TENM1: variants seen among roughly 807,000 people sequenced by gnomAD.
TENM1 encodes teneurin-1.
In TENM1, 35 loss-of-function variants were observed where a neutral mutation model predicts 174.8. That is an observed-to-expected ratio of 0.20 (90% CI 0.15 to 0.27). TENM1 has a LOEUF of 0.27. Ranked by LOEUF, TENM1 falls within the 10% of genes least tolerant of loss-of-function variation. TENM1 has a pLI of 1.00. For missense variants in TENM1, 1,633 were observed against 2,130.1 expected, an observed-to-expected ratio of 0.77 and a Z score of 4.59; for synonymous variants, 781 against 798.7, an observed-to-expected ratio of 0.98 and a Z score of 0.37.
intron 1 of TENM1, among the ~76,000 whole-genome samples, chrX:124,955,304 G>A (rs930109882): frequency 9.0e-6 from 1 of 111,499 alleles, no homozygotes; most frequent in Admixed American, 9.6e-5. Flanking sequence ...TTGGTCTGGG[G>A]AACAGTCTTG....
chrX:124,480,810 T>C lies in TENM1; in HGVS notation c.3949+922A>G, dbSNP rs2046824901. 4.5e-5 allele frequency among the ~76,000 whole-genome samples: 5 copies of C among 111,858 alleles called. No individual in the cohort carries two copies. The Admixed American group carries it at 4.7e-4, about 11-fold the overall frequency. On this transcript the variant is annotated intron_variant, in intron 22 of 31. Transcript: ENST00000422452. Reference sequence around the variant, plus strand: ...TAACATAAATGCATACATGTATGCATGCATGCAGATACACACACACACACA... The same window carrying C: ...TAACATAAATGCATACATGTATGCACGCATGCAGATACACACACACACACA...
intron 27 of TENM1, among the ~76,000 whole-genome samples, chrX:124,401,636 C>T (rs1206558176): frequency 1.8e-5 from 2 of 112,003 alleles, no homozygotes; most frequent in African/African-American, 6.5e-5. Context: ...AATGAAGGGA[C>T]GCCATCTCGG....
At chrX:124,924,328 T>C (rs1438686019) in intron 1 of TENM1, among the ~76,000 whole-genome samples, 1 of 111,950 alleles carries the variant, frequency 8.9e-6, no homozygotes, top group Admixed American at 9.5e-5. Context: ...TTTAAATTTA[T>C]AAGCAACAGA....
intron 16 of TENM1, among the ~76,000 whole-genome samples, chrX:124,528,930 C>T (rs1048641974): frequency 2.7e-5 from 3 of 111,031 alleles, no homozygotes; most frequent in African/African-American, 6.5e-5. Flanking sequence ...AAAATAAATC[C>T]GGCACAGCCC....
chrX:124,705,655 TCA>T (rs1192079466), intron 4 of TENM1, among the ~76,000 whole-genome samples: 1 of 111,666 alleles, frequency 9.0e-6, no homozygotes, highest in African/African-American at 3.3e-5. Context: ...GAGATTATCC[TCA>T]CTACCAAACT....
At chrX:124,761,701 TA>T (rs1371736271) in intron 3 of TENM1, among the ~76,000 whole-genome samples, 2 of 111,247 alleles carry the variant, frequency 1.8e-5, no homozygotes, top group Non-Finnish European at 3.8e-5. Flanking sequence ...AATAAAAAAA[TA>T]AAAAAACATG....
intron 18 of TENM1, among the ~76,000 whole-genome samples, chrX:124,510,839 G>A (rs1394904727): frequency 1.8e-5 from 2 of 108,483 alleles, no homozygotes; most frequent in Non-Finnish European, 3.8e-5. Context: ...ATCACATTCT[G>A]GTATGTTCTA....
At chrX:125,162,413 A>G in the TENM1 span, among the ~76,000 whole-genome samples, 1 of 112,106 alleles carries the variant, frequency 8.9e-6, no homozygotes, top group Admixed American at 9.4e-5. Flanking sequence ...TCTTTCTACT[A>G]CACTGAAATT....
At chrX:125,014,073 G>C in the TENM1 span, among the ~76,000 whole-genome samples, 3 of 110,984 alleles carry the variant, frequency 2.7e-5, no homozygotes, top group African/African-American at 9.8e-5. Flanking sequence ...ATAGACTCCT[G>C]AGGCACAGAA....
At chrX:124,416,348 G>C (rs191909976) in intron 25 of TENM1, among the ~76,000 whole-genome samples, 4 of 111,600 alleles carry the variant, frequency 3.6e-5, no homozygotes, top group African/African-American at 1.3e-4. Context: ...GAATCAGAAG[G>C]GTCCTTTGTT....
At chrX:125,116,425 G>T in the TENM1 span, among the ~76,000 whole-genome samples, 1 of 111,849 alleles carries the variant, frequency 8.9e-6, no homozygotes, top group Non-Finnish European at 1.9e-5. Flanking sequence ...CACAGCAAAA[G>T]AAACTATCAT....
the TENM1 span, among the ~76,000 whole-genome samples, chrX:125,024,848 C>T: frequency 1.6e-3 from 183 of 111,278 alleles, 1 homozygote; most frequent in East Asian, 0.036. Flanking sequence ...GAATGTAAAG[C>T]GGATCTTTAT....
chrX:125,071,120 T>C, the TENM1 span, among the ~76,000 whole-genome samples: 1 of 111,958 alleles, frequency 8.9e-6, no homozygotes, highest in East Asian at 2.8e-4. Context: ...TGTAGCCAGC[T>C]ATGTTCCTAA....
chrX:125,203,442 CCT>C, the TENM1 span, among the ~76,000 whole-genome samples: 3 of 112,390 alleles, frequency 2.7e-5, no homozygotes, highest in Non-Finnish European at 5.6e-5. Flanking sequence ...GAGGAGGCTC[CCT>C]CTCAGAACTG....
Position 124,613,234 on chromosome X carries a change from T to C in TENM1, c.2077+28557A>G, listed in dbSNP as rs779925489. 2.7e-5 allele frequency among the ~76,000 whole-genome samples: 3 copies of C among 111,536 alleles called. No homozygotes were observed. In the East Asian group the frequency reaches 8.4e-4, roughly 31 times the overall value. On this transcript the variant is annotated intron_variant, in intron 11 of 31. Coordinates refer to ENST00000422452, the Ensembl canonical transcript of TENM1. ...TTAATTATCATAATGTCTCAAGTCA[T>C]GTACATCAGCTTAAACTTCCCCTGT...
At chrX:125,121,559 A>T in the TENM1 span, among the ~76,000 whole-genome samples, 3 of 111,961 alleles carry the variant, frequency 2.7e-5, no homozygotes, top group Non-Finnish European at 5.6e-5. Flanking sequence ...TTGATTTTTC[A>T]AATCTCGTAA....
chrX:124,392,442 G>A (rs1173965949), intron 27 of TENM1, 94 bp from the exon 31 acceptor site: 12 of 726,582 alleles, frequency 1.7e-5, no homozygotes, highest in South Asian at 8.2e-5. Context: ...ATTATCCAAC[G>A]ATAGAGTCTG....
chrX:124,737,795 G>A (rs989027623), intron 3 of TENM1, among the ~76,000 whole-genome samples: 5 of 112,179 alleles, frequency 4.5e-5, no homozygotes, highest in Non-Finnish European at 1.9e-5. Flanking sequence ...TAAAAGGTAG[G>A]CTAAAAGAAG....
At chrX:125,115,310 T>C in the TENM1 span, among the ~76,000 whole-genome samples, 1 of 111,569 alleles carries the variant, frequency 9.0e-6, no homozygotes, top group East Asian at 2.8e-4. Context: ...CTGGAATCAT[T>C]CCCTTTGAAA....
Sources: allele counts gnomAD v4.1 joint callset (sites outside exome capture counted in the v4.1 genomes callset), GRCh38; gene constraint gnomAD v4.1.1; transcripts MANE v1.5; gene names NCBI Gene and HGNC (gene_info 2026-07-23, HGNC 2026-07-21).